MYO16: variants seen among roughly 807,000 people sequenced by gnomAD.
The protein encoded by MYO16 is myosin XVI.
Under a neutral mutation model 205.3 loss-of-function variants are expected in MYO16, and 94 were observed. The observed-to-expected ratio is 0.46, with a 90% CI of 0.39 to 0.54. The LOEUF (loss-of-function observed/expected upper bound fraction) is 0.54, where lower values mean the gene tolerates loss of function less well. MYO16 is among the 20% of genes least tolerant of loss of function. The probability of loss-of-function intolerance (pLI) is 0.00; values close to 1 mark genes in which losing one functional copy is unlikely to be tolerated. For synonymous variants in MYO16, 988 were observed against 954.0 expected, an observed-to-expected ratio of 1.04 and a Z score of -0.66; for missense variants, 2,315 against 2,387.5, an observed-to-expected ratio of 0.97 and a Z score of 0.63.
intron 27 of MYO16, among the ~76,000 whole-genome samples, chr13:109,093,416 G>C (rs1566502508): frequency 6.6e-6 from 1 of 152,202 alleles, no homozygotes; most frequent in Non-Finnish European, 1.5e-5. Context: ...ACCAGCCACA[G>C]ATAAGTAATT....
intron 16 of MYO16, among the ~76,000 whole-genome samples, chr13:108,919,202 G>A (rs1261641111): frequency 3.9e-5 from 6 of 152,192 alleles, no homozygotes; most frequent in Non-Finnish European, 8.8e-5. Flanking sequence ...TTTTTCTCCT[G>A]AGGCAGGGCA....
chr13:108,889,038 C>T (rs1024797654), intron 14 of MYO16, among the ~76,000 whole-genome samples: 4 of 148,132 alleles, frequency 2.7e-5, no homozygotes, highest in Non-Finnish European at 6.0e-5. Context: ...TGGACAAGAG[C>T]AAAACTCTGT....
intron 28 of MYO16, 119 bp downstream of exon 28, chr13:109,101,006 A>G: frequency 1.3e-6 from 1 of 781,700 alleles, no homozygotes; most frequent in East Asian, 2.7e-5. Context: ...TGTGTTTGGC[A>G]AGGCGTGACA....
At chr13:108,586,042 A>G in the MYO16 span, among the ~76,000 whole-genome samples, 1 of 152,208 alleles carries the variant, frequency 6.6e-6, no homozygotes, top group South Asian at 2.1e-4. Flanking sequence ...TTTAGAATAG[A>G]TCTTGACACA....
intron 16 of MYO16, among the ~76,000 whole-genome samples, chr13:108,927,452 C>T (rs1414818132): frequency 6.6e-6 from 1 of 152,152 alleles, no homozygotes; most frequent in African/African-American, 2.4e-5. Flanking sequence ...TTGATTCTCA[C>T]ATGCCCTGCT....
chr13:108,767,746 C>T (rs996290530), intron 4 of MYO16, among the ~76,000 whole-genome samples: 14 of 152,124 alleles, frequency 9.2e-5, no homozygotes, highest in Non-Finnish European at 1.6e-4. Flanking sequence ...TTCCAGTCTC[C>T]CTTCCTATTT....
At chr13:108,603,808 T>C (rs1006658555) in intron 1 of MYO16, among the ~76,000 whole-genome samples, 2 of 152,186 alleles carry the variant, frequency 1.3e-5, no homozygotes, top group East Asian at 3.8e-4. Context: ...CTTTAATAGA[T>C]TACTCTTTTC....
intron 2 of MYO16, among the ~76,000 whole-genome samples, chr13:108,670,517 AG>A (rs1452040441): frequency 1.3e-5 from 2 of 152,162 alleles, no homozygotes; most frequent in African/African-American, 4.8e-5. Context: ...GCTAACAGTG[AG>A]GGTGTGGAAA....
the MYO16 span, among the ~76,000 whole-genome samples, chr13:108,581,251 T>C: frequency 6.6e-6 from 1 of 152,170 alleles, no homozygotes; most frequent in Non-Finnish European, 1.5e-5. Flanking sequence ...TGTTACCTAA[T>C]ACAGAATTTC....
At chr13:108,826,549 A>G (rs1464024416) in intron 9 of MYO16, among the ~76,000 whole-genome samples, 3 of 152,170 alleles carry the variant, frequency 2.0e-5, no homozygotes, top group Admixed American at 1.3e-4. Flanking sequence ...CAATAAAAGC[A>G]AAAATAGATA....
intron 1 of MYO16, among the ~76,000 whole-genome samples, chr13:108,608,440 C>A (rs781166421): frequency 6.6e-6 from 1 of 152,178 alleles, no homozygotes; most frequent in Non-Finnish European, 1.5e-5. Context: ...CTCATCGGAC[C>A]TAGCCAGAAC....
At chr13:108,509,642 T>C in the MYO16 span, among the ~76,000 whole-genome samples, 1 of 152,226 alleles carries the variant, frequency 6.6e-6, no homozygotes, top group Non-Finnish European at 1.5e-5. Flanking sequence ...GACTTTATTT[T>C]ACCTTTGGTC....
the MYO16 span, among the ~76,000 whole-genome samples, chr13:108,549,821 A>G: frequency 2.6e-5 from 4 of 152,196 alleles, no homozygotes; most frequent in African/African-American, 9.7e-5. Context: ...AAGTGATTAA[A>G]AGTTTAAAAG....
chr13:109,004,409 T>C (rs1885320615), intron 21 of MYO16, among the ~76,000 whole-genome samples: 1 of 152,166 alleles, frequency 6.6e-6, no homozygotes, highest in East Asian at 1.9e-4. Context: ...AAAATTACCT[T>C]ATTATTGGAG....
chr13:108,961,801 T>TA, intron 18 of MYO16, 145 bp downstream of exon 18: 1 of 654,044 alleles, frequency 1.5e-6, no homozygotes. Context: ...GGAAATTGTC[T>TA]ACTTTGTTTT....
chr13:108,871,133 A>G (rs954664228), intron 12 of MYO16, among the ~76,000 whole-genome samples: 7 of 152,130 alleles, frequency 4.6e-5, no homozygotes, highest in Non-Finnish European at 5.9e-5. Context: ...TGATAAAATC[A>G]TTCCTTAAAA....
chr13:108,920,752 C>A (rs1363853148), intron 16 of MYO16, among the ~76,000 whole-genome samples: 1 of 152,172 alleles, frequency 6.6e-6, no homozygotes, highest in Non-Finnish European at 1.5e-5. Flanking sequence ...AGCCACTATG[C>A]CCAGCCATCT....
chr13:108,643,231 T>A (rs559987246), intron 1 of MYO16, among the ~76,000 whole-genome samples: 1 of 152,338 alleles, frequency 6.6e-6, no homozygotes, highest in East Asian at 1.9e-4. Flanking sequence ...TTTTCCAGAA[T>A]GTCATGTAAA....
intron 3 of MYO16, among the ~76,000 whole-genome samples, chr13:108,718,200 C>T (rs139003733): frequency 2.6e-5 from 4 of 152,100 alleles, no homozygotes; most frequent in African/African-American, 7.2e-5. Flanking sequence ...AGAGAAAATG[C>T]CTAGAGAAAT....
Sources: allele counts gnomAD v4.1 joint callset (sites outside exome capture counted in the v4.1 genomes callset), GRCh38; gene constraint gnomAD v4.1.1; transcripts MANE v1.5; gene names NCBI Gene and HGNC (gene_info 2026-07-23, HGNC 2026-07-21).